The following PARP1 variants were observed in gnomAD, a reference collection of about 807,000 sequenced individuals.
PARP1 encodes the protein poly(ADP-ribose) polymerase 1.
A neutral mutation model predicts 118.7 loss-of-function variants in PARP1; 44 were observed. The observed-to-expected ratio is 0.37, with a 90% CI of 0.29 to 0.48. The LOEUF (loss-of-function observed/expected upper bound fraction) is 0.48. Ranked by LOEUF, PARP1 falls within the 20% of genes least tolerant of loss-of-function variation. PARP1 has a pLI of 0.99. For missense variants in PARP1, 1,100 were observed against 1,272.4 expected, an observed-to-expected ratio of 0.86 and a Z score of 2.06; for synonymous variants, 492 against 483.2, an observed-to-expected ratio of 1.02 and a Z score of -0.24.
chr1:226,363,801 C>A, intron 20 of PARP1, 142 bp downstream of exon 20: 1 of 881,784 alleles, frequency 1.1e-6, no homozygotes, highest in Admixed American at 1.9e-5. Flanking sequence ...GATTCTGCTA[C>A]TTATAAGAAA....
At position 226,370,488 on chromosome 1, in the gene PARP1, C is replaced by G; in HGVS notation, c.2100G>C (p.Lys700Asn). 1 of 1,614,084 alleles carries G rather than the reference C, an allele frequency of 6.2e-7. No homozygotes were observed. ...CGGCCTGGATCTGCCTTTTGCTCAG[C>G]TTCCCCAAGGGCATCTTCTGAAGGT... The part of the protein sequence containing the change: ...EIDLQKMPLG[K>N]LSKRQIQAAY... The change falls in exon 15 of 23, where the codon AAG (lysine) becomes AAC (asparagine). Residue 700 changes from lysine to asparagine, a missense_variant. Transcript: ENST00000366794.
Position 226,392,311 on chromosome 1 carries a change from T to C in PARP1, c.290A>G (p.Lys97Arg). The stretch of plus-strand genomic sequence containing the variant: ...CTTGCTACCAATTCCATCCTGGCCT[T>C]TGCCTGGAGAATCAAACAGACAGCA... ...KTAEAGGVTGKGQDGIGSKAE... is the reference protein window; with the variant it reads ...KTAEAGGVTGRGQDGIGSKAE... The change falls in exon 3 of 23, where the codon AAA becomes AGA. Residue 97 changes from lysine to arginine, a missense_variant. Coordinates refer to ENST00000366794, the MANE Select transcript of PARP1 (RefSeq NM_001618.4). 6.2e-7 allele frequency: 1 copy of C among 1,610,960 alleles called. No homozygotes were observed. The highest frequency in any genetic ancestry group is 8.5e-7 in the Non-Finnish European group (1 of 1,177,296).
At chr1:226,362,279 G>A (rs1191099263) in intron 21 of PARP1, 196 bp from the exon 22 acceptor site, 16 of 540,022 alleles carry the variant, frequency 3.0e-5, no homozygotes, top group South Asian at 1.4e-4. Context: ...TCCGCCTCCC[G>A]GATTCAAGCA....
intron 8 of PARP1, among the ~76,000 whole-genome samples, chr1:226,382,195 T>C (rs1576396834): frequency 1.3e-5 from 2 of 152,326 alleles, no homozygotes; most frequent in South Asian, 2.1e-4. Flanking sequence ...CCTTCACCAA[T>C]AGACTATGCC....
At chr1:226,405,447 A>C (rs1665128268) in intron 1 of PARP1, among the ~76,000 whole-genome samples, 1 of 152,004 alleles carries the variant, frequency 6.6e-6, no homozygotes, top group African/African-American at 2.4e-5. Context: ...GGGACTTAAC[A>C]GGCACGCACC....
intron 1 of PARP1, among the ~76,000 whole-genome samples, chr1:226,404,939 C>T (rs1245178677): frequency 1.3e-5 from 2 of 152,134 alleles, no homozygotes; most frequent in South Asian, 2.1e-4. Context: ...CTCAAACCCT[C>T]CCAGGACAGA....
intron 2 of PARP1, among the ~76,000 whole-genome samples, 158 bp from the exon 3 acceptor site, chr1:226,392,472 C>A (rs965825215): frequency 1.3e-5 from 2 of 152,206 alleles, no homozygotes; most frequent in African/African-American, 4.8e-5. Flanking sequence ...TTTGTAACAA[C>A]CGTGGTCAGC....
chr1:226,379,303 T>C (rs367633242), intron 11 of PARP1, 29 bp from the exon 12 acceptor site: 141 of 1,614,018 alleles, frequency 8.7e-5, no homozygotes, highest in Non-Finnish European at 1.1e-4. Flanking sequence ...ACCTACAGTT[T>C]TCTCTCCCCT....
At chr1:226,405,443 TAA>T (rs547870196) in intron 1 of PARP1, among the ~76,000 whole-genome samples, 50 of 152,124 alleles carry the variant, frequency 3.3e-4, no homozygotes, top group Non-Finnish European at 5.7e-4. Context: ...AGCTGGGACT[TAA>T]CAGGCACGCA....
chr1:226,392,259 T>C lies in PARP1; in HGVS notation c.342A>G (p.Ala114=), dbSNP rs1349043176. 3.1e-6 allele frequency: 5 copies of C among 1,614,208 alleles called. No homozygotes were observed. The highest frequency in any genetic ancestry group is 4.2e-6 in the Non-Finnish European group (5 of 1,180,012). The change falls in exon 3 of 23, where the codon GCA becomes GCG. Residue 114 remains alanine (A), a synonymous_variant. Coordinates refer to ENST00000366794, the MANE Select transcript of PARP1 (RefSeq NM_001618.4). The part of the protein sequence containing the change: ...SKAEKTLGDF[A]AEYAKSNRST... Reference sequence around the variant, plus strand: ...TTCTGTTGGACTTGGCATACTCTGCTGCAAAGTCACCCAGAGTCTTCTCTG... The same window carrying C: ...TTCTGTTGGACTTGGCATACTCTGCCGCAAAGTCACCCAGAGTCTTCTCTG...
intron 5 of PARP1, among the ~76,000 whole-genome samples, chr1:226,387,348 A>T (rs1176851761): frequency 1.3e-5 from 2 of 152,204 alleles, no homozygotes. Context: ...TCCATTTTAA[A>T]GGCTGAGGTA....
chr1:226,401,859 T>C, intron 2 of PARP1: 1 of 760,458 alleles, frequency 1.3e-6, no homozygotes. Flanking sequence ...ACAAATGTAC[T>C]ACTCTGGTGG....
intron 22 of PARP1, 101 bp from the exon 23 acceptor site, chr1:226,361,642 A>G: frequency 2.4e-6 from 2 of 850,130 alleles, no homozygotes; most frequent in Non-Finnish European, 4.0e-6. Flanking sequence ...GCCAGCCTGA[A>G]AGTCACTCTA....
intron 7 of PARP1, 61 bp downstream of exon 7, chr1:226,385,443 C>T: frequency 1.2e-5 from 18 of 1,454,094 alleles, no homozygotes; most frequent in East Asian, 4.5e-5. Context: ...TATAAACAAG[C>T]GCAGAAAGTG....
At position 226,369,127 on chromosome 1, in the gene PARP1, T is replaced by C. The variant is rs933335887; in HGVS notation, c.2155-806A>G. Among the ~76,000 whole-genome samples the C allele has an allele frequency of 5.3e-5, 8 of 152,340 alleles. No individual in the cohort carries two copies. In the South Asian group the frequency reaches 1.0e-3, roughly 20 times the overall value. On this transcript the variant is annotated intron_variant, in intron 15 of 22. Transcript: ENST00000366794. ...GCTCTTCTTCCTGAAGACTATTGCA[T>C]GGGAAGAAGCTGGGGCCGAGGAAAG...
In PARP1 at chr1:226,388,894, T is replaced by C. The variant is rs1664770842; in HGVS notation, c.618-139A>G. 3 of 745,472 alleles carry C rather than the reference T, an allele frequency of 4.0e-6. No homozygotes were observed. The Middle Eastern group carries it at 7.2e-4, about 178-fold the overall frequency. The allele number at this position is 745,472 out of a possible 1,614,324, so 46.2% of individuals were successfully genotyped here. On this transcript the variant is annotated intron_variant, in intron 4 of 22. Coordinates refer to ENST00000366794, the MANE Select transcript of PARP1 (RefSeq NM_001618.4). The stretch of plus-strand genomic sequence containing the variant: ...CTCACACTTGTCACTCCCTAACCCC[T>C]GCCCCACTCAGTGCCCTTAGGCGAT...
At chr1:226,392,700 A>T (rs1031284332) in intron 2 of PARP1, 4 of 544,872 alleles carry the variant, frequency 7.3e-6, no homozygotes, top group African/African-American at 3.8e-5. Flanking sequence ...TTATACTTCT[A>T]TTTACCAAAG....
chr1:226,399,855 TTA>T (rs1664994906), intron 2 of PARP1, among the ~76,000 whole-genome samples: 1 of 152,114 alleles, frequency 6.6e-6, no homozygotes, highest in African/African-American at 2.4e-5. Flanking sequence ...ACTCTGTACT[TTA>T]CTCAATTTTG....
chr1:226,406,557 G>A (rs1195829066), intron 1 of PARP1, among the ~76,000 whole-genome samples: 3 of 152,210 alleles, frequency 2.0e-5, no homozygotes, highest in African/African-American at 7.2e-5. Flanking sequence ...ACAATGCCTA[G>A]AGCACAGCTC....
Sources: allele counts gnomAD v4.1 joint callset (sites outside exome capture counted in the v4.1 genomes callset), GRCh38; gene constraint gnomAD v4.1.1; transcripts MANE v1.5; gene names NCBI Gene and HGNC (gene_info 2026-07-23, HGNC 2026-07-21).